CDKAL1: variants seen among roughly 807,000 people sequenced by gnomAD.
CDKAL1 encodes CDKAL1 threonylcarbamoyladenosine tRNA methylthiotransferase, also known as threonylcarbamoyladenosine tRNA methylthiotransferase.
A neutral mutation model predicts 68.2 loss-of-function variants in CDKAL1; 32 were observed. That is an observed-to-expected ratio of 0.47 (90% CI 0.35 to 0.63). The LOEUF is 0.63. CDKAL1 is among the 30% of genes least tolerant of loss of function. The probability of loss-of-function intolerance (pLI) is 0.00; values close to 1 mark genes in which losing one functional copy is unlikely to be tolerated. For missense variants in CDKAL1, 606 were observed against 696.7 expected, an observed-to-expected ratio of 0.87 and a Z score of 1.47; for synonymous variants, 234 against 244.3, an observed-to-expected ratio of 0.96 and a Z score of 0.39.
intron 4 of CDKAL1, among the ~76,000 whole-genome samples, chr6:20,628,796 C>A (rs1180120984): frequency 6.6e-6 from 1 of 151,764 alleles, no homozygotes; most frequent in Non-Finnish European, 1.5e-5. Context: ...GTCTTCGTTT[C>A]AAAATAAAAC....
At chr6:20,941,727 A>G (rs573749304) in intron 9 of CDKAL1, among the ~76,000 whole-genome samples, 13 of 152,304 alleles carry the variant, frequency 8.5e-5, no homozygotes, top group Admixed American at 4.6e-4. Context: ...AAAATCTTAC[A>G]TTATATCTGG....
At chr6:20,992,398 A>T (rs1018283002) in intron 10 of CDKAL1, among the ~76,000 whole-genome samples, 3 of 151,484 alleles carry the variant, frequency 2.0e-5, no homozygotes, top group African/African-American at 7.3e-5. Flanking sequence ...CTCTGTTATA[A>T]TTTTTCTAAT....
At chr6:20,607,989 C>A (rs866790992) in intron 4 of CDKAL1, among the ~76,000 whole-genome samples, 1 of 152,144 alleles carries the variant, frequency 6.6e-6, no homozygotes, top group South Asian at 2.1e-4. Flanking sequence ...GCCACTGCAC[C>A]CAGCCCAAGG....
intron 4 of CDKAL1, among the ~76,000 whole-genome samples, chr6:20,623,726 T>G (rs1033562128): frequency 6.6e-6 from 1 of 152,068 alleles, no homozygotes; most frequent in Non-Finnish European, 1.5e-5. Flanking sequence ...CAGTAGACCT[T>G]TATTTTATTA....
intron 5 of CDKAL1, among the ~76,000 whole-genome samples, chr6:20,712,791 C>A (rs1275738149): frequency 6.6e-6 from 1 of 151,942 alleles, no homozygotes; most frequent in Non-Finnish European, 1.5e-5. Flanking sequence ...ATTACAGGCA[C>A]CCGCCACCAT....
In CDKAL1 at chr6:20,844,598, C is replaced by T. The variant is rs1303706443; in HGVS notation, c.639-1477C>T. On this transcript the variant is annotated intron_variant, in intron 8 of 15. Transcript: ENST00000274695. ...GGCTCACTGGCTCACACCTGTAATC[C>T]CAGCACTTTGGGAGGCCGAGAGGGG... Among the ~76,000 whole-genome samples the T allele has an allele frequency of 2.0e-5, 3 of 151,754 alleles. No individual in the cohort carries two copies. In the South Asian group the frequency reaches 6.2e-4, roughly 32 times the overall value.
intron 13 of CDKAL1, among the ~76,000 whole-genome samples, chr6:21,176,642 G>A (rs1266105545): frequency 6.8e-6 from 1 of 146,718 alleles, no homozygotes; most frequent in Non-Finnish European, 1.5e-5. Context: ...GGGTCTTCCT[G>A]TACCCGTAGT....
At chr6:20,817,786 G>C (rs544649616) in intron 8 of CDKAL1, among the ~76,000 whole-genome samples, 7 of 152,266 alleles carry the variant, frequency 4.6e-5, no homozygotes, top group African/African-American at 1.7e-4. Flanking sequence ...AAATAGCTCT[G>C]TGTGATCCAA....
intron 9 of CDKAL1, among the ~76,000 whole-genome samples, chr6:20,913,976 A>G (rs932873564): frequency 6.6e-6 from 1 of 151,934 alleles, no homozygotes; most frequent in Admixed American, 6.6e-5. Flanking sequence ...GGGTGACAAA[A>G]CAAGACTCTG....
chr6:20,654,380 G>A (rs964619087), intron 5 of CDKAL1, among the ~76,000 whole-genome samples: 7 of 150,688 alleles, frequency 4.6e-5, no homozygotes, highest in Admixed American at 6.6e-5. Flanking sequence ...TATTATACAC[G>A]TTGCAAATAT....
At chr6:20,876,545 G>A (rs1177663216) in intron 9 of CDKAL1, among the ~76,000 whole-genome samples, 4 of 152,086 alleles carry the variant, frequency 2.6e-5, no homozygotes, top group South Asian at 2.1e-4. Flanking sequence ...GATTAAATTC[G>A]TTAATATTTT....
At chr6:20,557,202 G>T (rs1764091497) in intron 4 of CDKAL1, among the ~76,000 whole-genome samples, 2 of 151,936 alleles carry the variant, frequency 1.3e-5, no homozygotes, top group African/African-American at 4.8e-5. Context: ...ATATTGAATA[G>T]AACTTTTAAA....
At chr6:20,821,216 G>T (rs113270279) in intron 8 of CDKAL1, among the ~76,000 whole-genome samples, 1,698 of 152,250 alleles carry the variant, frequency 0.011, 26 homozygotes, top group African/African-American at 0.039. Flanking sequence ...GGATTGGCAT[G>T]ACCTGATGGA....
At chr6:21,093,159 A>AT (rs1773132413) in intron 12 of CDKAL1, among the ~76,000 whole-genome samples, 1 of 152,212 alleles carries the variant, frequency 6.6e-6, no homozygotes, top group Admixed American at 6.5e-5. Flanking sequence ...ATGTAGACCC[A>AT]TGCCAAGACA....
chr6:20,954,749 C>T (rs896332620), intron 9 of CDKAL1, among the ~76,000 whole-genome samples: 14 of 151,972 alleles, frequency 9.2e-5, no homozygotes, highest in South Asian at 2.1e-4. Flanking sequence ...ACAATAATAA[C>T]GACAAGAATA....
intron 9 of CDKAL1, among the ~76,000 whole-genome samples, chr6:20,908,020 G>A (rs1420345080): frequency 6.6e-6 from 1 of 152,160 alleles, no homozygotes; most frequent in Non-Finnish European, 1.5e-5. Context: ...AGCACTGGCT[G>A]CAGCTTCACT....
At chr6:20,675,111 A>AATATTATC (rs2127785081) in intron 5 of CDKAL1, among the ~76,000 whole-genome samples, 2 of 152,236 alleles carry the variant, frequency 1.3e-5, no homozygotes, top group African/African-American at 4.8e-5. Context: ...AAAATAATAA[A>AATATTATC]ATATTATCAT....
At chr6:20,566,162 A>G (rs1428501221) in intron 4 of CDKAL1, among the ~76,000 whole-genome samples, 1 of 152,124 alleles carries the variant, frequency 6.6e-6, no homozygotes, top group Non-Finnish European at 1.5e-5. Context: ...CCTCCAAATA[A>G]TACTTGTGAT....
intron 11 of CDKAL1, among the ~76,000 whole-genome samples, chr6:21,005,371 G>C (rs910922231): frequency 6.6e-6 from 1 of 152,136 alleles, no homozygotes; most frequent in Non-Finnish European, 1.5e-5. Flanking sequence ...AAGTCCTCAA[G>C]TTCACACATT....
Sources: gnomAD v4.1 joint callset for allele counts (sites outside exome capture counted in the v4.1 genomes callset) on GRCh38, gnomAD v4.1.1 for gene constraint, MANE v1.5 for transcripts, NCBI Gene and HGNC (gene_info 2026-07-23, HGNC 2026-07-21) for gene names.